The following RGS7 variants were observed in gnomAD, a reference collection of about 807,000 sequenced individuals.
The protein encoded by RGS7 is regulator of G protein signaling 7, also known as regulator of G-protein signaling 7.
In RGS7, 27 loss-of-function variants were observed where a neutral mutation model predicts 81.1. The ratio of observed to expected loss-of-function variants is 0.33; its 90% CI spans 0.25 to 0.46. The LOEUF (loss-of-function observed/expected upper bound fraction) is 0.46, where lower values mean the gene tolerates loss of function less well. Ranked by LOEUF, RGS7 falls within the 20% of genes least tolerant of loss-of-function variation. The pLI, the probability that RGS7 is intolerant of heterozygous loss-of-function variation, is 1.00. For missense variants in RGS7, 396 were observed against 607.4 expected, an observed-to-expected ratio of 0.65 and a Z score of 3.66; for synonymous variants, 208 against 207.7, an observed-to-expected ratio of 1.00 and a Z score of -0.01.
chr1:240,903,353 A>C (rs1670315410), intron 6 of RGS7, among the ~76,000 whole-genome samples: 1 of 152,066 alleles, frequency 6.6e-6, no homozygotes, highest in Non-Finnish European at 1.5e-5. Context: ...CAGAATTTTT[A>C]ATTTAATTTA....
At chr1:241,208,409 G>A (rs1308942546) in intron 2 of RGS7, among the ~76,000 whole-genome samples, 1 of 152,084 alleles carries the variant, frequency 6.6e-6, no homozygotes, top group Non-Finnish European at 1.5e-5. Context: ...AGAAAGATGG[G>A]AAAACGGCAG....
chr1:240,958,862 A>G (rs1395686229), intron 4 of RGS7, among the ~76,000 whole-genome samples: 2 of 152,148 alleles, frequency 1.3e-5, no homozygotes, highest in Admixed American at 6.5e-5. Context: ...TATCCCTCCA[A>G]TGAGCCCTAA....
intron 18 of RGS7, among the ~76,000 whole-genome samples, chr1:240,781,527 A>G (rs1684084395): frequency 6.6e-6 from 1 of 152,154 alleles, no homozygotes; most frequent in Non-Finnish European, 1.5e-5. Flanking sequence ...GAATCGCTTG[A>G]ACCCAGGAGG....
Position 240,817,986 on chromosome 1 carries a change from T to G in RGS7, c.685-1571A>C, listed in dbSNP as rs546362074. Among the ~76,000 whole-genome samples, 3 of 152,340 alleles carry G rather than the reference T, an allele frequency of 2.0e-5. No individual in the cohort carries two copies. In the East Asian group the frequency reaches 5.8e-4, roughly 29 times the overall value. On this transcript the variant is annotated intron_variant, in intron 10 of 18. Coordinates refer to ENST00000440928, the MANE Select transcript of RGS7 (RefSeq NM_001364886.1). ...ATTGGAATAATCTATTCCCAGACTA[T>G]CTTGGGTAGGCCTCTTCAGTGTCCT...
chr1:241,339,509 T>G (rs1006972358), intron 2 of RGS7, among the ~76,000 whole-genome samples: 2 of 152,224 alleles, frequency 1.3e-5, no homozygotes, highest in Non-Finnish European at 2.9e-5. Flanking sequence ...TAAAATTCAG[T>G]TTGGATGCAA....
chr1:241,226,716 G>C lies in RGS7; in HGVS notation c.79-127954C>G, dbSNP rs147280495. On this transcript the variant is annotated intron_variant, in intron 2 of 18. Coordinates refer to ENST00000440928, the MANE Select transcript of RGS7 (RefSeq NM_001364886.1). ...TCATTCCATGAGCAGGTGACACCGAGCTGAACATTGATGCATAAGCAGAAA... is the reference window on the plus strand; with the variant it reads ...TCATTCCATGAGCAGGTGACACCGACCTGAACATTGATGCATAAGCAGAAA... Among the ~76,000 whole-genome samples the C allele has an allele frequency of 3.2e-3, 486 of 152,310 alleles. 5 individuals are homozygous for C. The highest frequency in any genetic ancestry group is 0.029 in the South Asian group (141 of 4,830).
intron 18 of RGS7, among the ~76,000 whole-genome samples, chr1:240,790,482 G>A (rs932270358): frequency 7.2e-5 from 11 of 151,900 alleles, no homozygotes; most frequent in African/African-American, 2.7e-4. Context: ...TTTAACTAAG[G>A]GAAAGAAAAA....
chr1:240,920,353 G>C (rs1673307743), intron 6 of RGS7: 2 of 1,535,826 alleles, frequency 1.3e-6, no homozygotes, highest in African/African-American at 1.4e-5. Context: ...TGTTGTGGTG[G>C]TGGATATGGT....
At chr1:240,809,585 T>G (rs1216707131) in intron 14 of RGS7, among the ~76,000 whole-genome samples, 2 of 152,172 alleles carry the variant, frequency 1.3e-5, no homozygotes, top group African/African-American at 2.4e-5. Context: ...TTAGCCACAC[T>G]TTCTCGGCTT....
At chr1:241,096,460 C>A (rs915047769) in intron 3 of RGS7, among the ~76,000 whole-genome samples, 11 of 151,954 alleles carry the variant, frequency 7.2e-5, no homozygotes, top group Non-Finnish European at 1.3e-4. Context: ...TCTAATTGAA[C>A]CTACGAGGCA....
chr1:241,014,255 T>C (rs1463585457), intron 3 of RGS7, among the ~76,000 whole-genome samples: 2 of 152,190 alleles, frequency 1.3e-5, no homozygotes, highest in Non-Finnish European at 2.9e-5. Flanking sequence ...GAGAGTCCCA[T>C]GGTCGATTCT....
At chr1:240,996,233 T>C (rs1282797061) in intron 3 of RGS7, among the ~76,000 whole-genome samples, 1 of 152,156 alleles carries the variant, frequency 6.6e-6, no homozygotes, top group Non-Finnish European at 1.5e-5. Flanking sequence ...GAATGTTTCA[T>C]GGGAACTTGA....
chr1:241,242,176 C>T (rs1393061411), intron 2 of RGS7, among the ~76,000 whole-genome samples: 2 of 152,076 alleles, frequency 1.3e-5, no homozygotes, highest in Non-Finnish European at 2.9e-5. Flanking sequence ...AGCTTAGCTC[C>T]CACTTATAAG....
At chr1:241,025,415 A>G (rs1398647113) in intron 3 of RGS7, among the ~76,000 whole-genome samples, 3 of 152,204 alleles carry the variant, frequency 2.0e-5, no homozygotes, top group African/African-American at 7.2e-5. Flanking sequence ...TCTCTGGTCT[A>G]CAGCCAGGGA....
At chr1:241,054,068 C>T (rs1478105120) in intron 3 of RGS7, among the ~76,000 whole-genome samples, 1 of 152,168 alleles carries the variant, frequency 6.6e-6, no homozygotes, top group African/African-American at 2.4e-5. Flanking sequence ...ATGGGTGTCA[C>T]ACCCAATAAA....
intron 2 of RGS7, among the ~76,000 whole-genome samples, chr1:241,123,929 G>C (rs1169522095): frequency 6.6e-6 from 1 of 152,200 alleles, no homozygotes; most frequent in African/African-American, 2.4e-5. Context: ...AGAAGCAGGA[G>C]AATGTGTTCC....
chr1:241,257,358 T>C (rs2077102640), intron 2 of RGS7, among the ~76,000 whole-genome samples: 1 of 152,094 alleles, frequency 6.6e-6, no homozygotes, highest in Non-Finnish European at 1.5e-5. Flanking sequence ...CTAAAGGCCC[T>C]ACTTCTTAAT....
At chr1:240,935,144 C>T (rs550016594) in intron 5 of RGS7, among the ~76,000 whole-genome samples, 40 of 151,942 alleles carry the variant, frequency 2.6e-4, no homozygotes, top group African/African-American at 4.6e-4. Flanking sequence ...AGTGATAGCC[C>T]GCCCTGGCCT....
intron 3 of RGS7, among the ~76,000 whole-genome samples, chr1:241,021,366 A>T (rs2059528881): frequency 6.6e-6 from 1 of 152,186 alleles, no homozygotes; most frequent in African/African-American, 2.4e-5. Context: ...TTGTTTCAAA[A>T]ATCCAGCTTA....
Sources: gnomAD v4.1 joint callset for allele counts (sites outside exome capture counted in the v4.1 genomes callset) on GRCh38, gnomAD v4.1.1 for gene constraint, MANE v1.5 for transcripts, NCBI Gene and HGNC (gene_info 2026-07-23, HGNC 2026-07-21) for gene names.